NANOS3: variants seen among roughly 807,000 people sequenced by gnomAD.
NANOS3 encodes the protein nanos C2HC-type zinc finger 3.
Under a neutral mutation model 13.8 loss-of-function variants are expected in NANOS3, and 11 were observed. That is an observed-to-expected ratio of 0.80 (90% CI 0.50 to 1.32). NANOS3 has a LOEUF of 1.32. NANOS3 is among the 40% of genes most tolerant of loss of function. The pLI is 0.00. For missense variants in NANOS3, 221 were observed against 263.8 expected (o/e 0.84, Z 1.12); for synonymous variants, 119 against 115.4 (o/e 1.03, Z -0.20).
At chr19:13,873,887 T>A (rs1156667075), upstream of NANOS3, among the ~76,000 whole-genome samples, 1 of 131,542 alleles carries the variant, frequency 7.6e-6, no homozygotes, top group Non-Finnish European at 1.6e-5. Flanking sequence ...GGTGCGTACC[T>A]GTAGGCCTGG....
chr19:13,878,791 T>C (rs914189444), intron 1 of NANOS3, among the ~76,000 whole-genome samples: 18 of 151,180 alleles, frequency 1.2e-4, no homozygotes, highest in African/African-American at 4.4e-4. Context: ...GTTTTTTTTT[T>C]CCTCCCATAG....
upstream of NANOS3, among the ~76,000 whole-genome samples, chr19:13,873,966 T>C (rs1342070168): frequency 6.6e-6 from 1 of 151,984 alleles, no homozygotes; most frequent in Non-Finnish European, 1.5e-5. Context: ...TGGGGGTCAT[T>C]TGAGGGATGA....
chr19:13,871,021 G>A (rs539318567), intron 1 of NANOS3, among the ~76,000 whole-genome samples: 5 of 152,008 alleles, frequency 3.3e-5, no homozygotes, highest in African/African-American at 1.2e-4. Context: ...TGAAGGCCCT[G>A]AAAGACACCC....
chr19:13,877,131 C>T, upstream of NANOS3: 10 of 885,966 alleles, frequency 1.1e-5, no homozygotes, highest in Admixed American at 6.6e-5. Context: ...AGCACAGACT[C>T]CCAGGCTCCA....
chr19:13,876,398 G>T (rs778061648), upstream of NANOS3, among the ~76,000 whole-genome samples: 10 of 152,126 alleles, frequency 6.6e-5, no homozygotes, highest in African/African-American at 9.7e-5. Flanking sequence ...GACCTCAGGT[G>T]ATCCGCCTGT....
At chr19:13,868,765 T>C (rs1358670211) in intron 1 of NANOS3, among the ~76,000 whole-genome samples, 2 of 151,526 alleles carry the variant, frequency 1.3e-5, no homozygotes, top group Admixed American at 1.3e-4. Flanking sequence ...ACACCATGAC[T>C]GGATGATACA....
chr19:13,873,573 T>C (rs1968439419), upstream of NANOS3, among the ~76,000 whole-genome samples: 2 of 151,780 alleles, frequency 1.3e-5, no homozygotes, highest in Admixed American at 1.3e-4. Flanking sequence ...ACTCTTGGGG[T>C]CCAAGCGATC....
chr19:13,871,826 CT>C (rs945010205), intron 1 of NANOS3, among the ~76,000 whole-genome samples: 3 of 150,854 alleles, frequency 2.0e-5, no homozygotes, highest in Non-Finnish European at 3.0e-5. Flanking sequence ...CTCTACAAAA[CT>C]TTTTTTTATT....
Position 13,877,414 on chromosome 19 carries a change from C to T in NANOS3, c.166C>T (p.Pro56Ser), listed in dbSNP as rs771017774. 7 of 1,612,240 alleles carry T rather than the reference C, an allele frequency of 4.3e-6. No individual in the cohort carries two copies. The South Asian group carries it at 6.6e-5, about 15-fold the overall frequency. The change falls in exon 1 of 2, where the codon CCA becomes TCA. Residue 56 changes from proline to serine, a missense_variant. Physicochemically the swap from Pro to Ser is moderately conservative, Grantham distance 74 (BLOSUM62 -1). Around this residue, in one of 3 missense-constraint regions of NANOS3, gnomAD observed 112 missense variants for 116.3 expected, o/e 0.96. Transcript: ENST00000339133. ...GCCGATGCCAGCGCCGGAGTCGGTG[C>T]CAGTGCCGGGACCCAAGGATCAGAA... ...LEPMPAPESV[P>S]VPGPKDQKRS...
chr19:13,870,532 G>T (rs1249061023), intron 1 of NANOS3, among the ~76,000 whole-genome samples: 1 of 150,990 alleles, frequency 6.6e-6, no homozygotes, highest in Non-Finnish European at 1.5e-5. Context: ...GTGTGGGGGG[G>T]TGGGGGCAAG....
chr19:13,862,766 T>C (rs371671206), upstream of NANOS3, among the ~76,000 whole-genome samples: 3 of 152,180 alleles, frequency 2.0e-5, no homozygotes, highest in East Asian at 3.9e-4. Flanking sequence ...CTCGAACTCC[T>C]GACCTCGTGA....
chr19:13,878,854 T>C (rs551071317), intron 1 of NANOS3, among the ~76,000 whole-genome samples: 1 of 152,240 alleles, frequency 6.6e-6, no homozygotes, highest in East Asian at 1.9e-4. Context: ...GCTTAGGTGA[T>C]CCTCCTGCCT....
upstream of NANOS3, among the ~76,000 whole-genome samples, chr19:13,873,416 G>C (rs191028331): frequency 6.6e-6 from 1 of 152,072 alleles, no homozygotes; most frequent in African/African-American, 2.4e-5. Flanking sequence ...GTTATGCCAG[G>C]CGGTTATTTT....
At chr19:13,866,272 G>C (rs1033734471) in intron 1 of NANOS3, among the ~76,000 whole-genome samples, 8 of 151,920 alleles carry the variant, frequency 5.3e-5, no homozygotes, top group Admixed American at 1.3e-4. Flanking sequence ...GGCTGGGGGT[G>C]GGGGGGTGGA....
chr19:13,862,466 G>T (rs762363029), upstream of NANOS3, among the ~76,000 whole-genome samples: 5 of 152,182 alleles, frequency 3.3e-5, no homozygotes, highest in Non-Finnish European at 5.9e-5. Context: ...GAGCAGGACA[G>T]CTGGCCGGTC....
upstream of NANOS3, among the ~76,000 whole-genome samples, chr19:13,876,132 T>C (rs115159874): frequency 8.7e-3 from 1,318 of 152,180 alleles, 16 homozygotes; most frequent in African/African-American, 0.03. Context: ...GAGGCAGATG[T>C]GGTGCTTTTT....
chr19:13,877,365 G>GCTGGAGCCGGTGTCAGCC lies in NANOS3; in HGVS notation c.127_144dup (p.Val43_Pro48dup), dbSNP rs765977912. 1 of 1,612,558 alleles carries GCTGGAGCCGGTGTCAGCC rather than the reference G, an allele frequency of 6.2e-7. No homozygotes were observed. Among genetic ancestry groups the GCTGGAGCCGGTGTCAGCC allele is most frequent in the South Asian group, 1.1e-5 (1 of 91,084 alleles). On this transcript the variant is annotated inframe_insertion, in exon 1 of 2. Coordinates refer to ENST00000339133, the MANE Select transcript of NANOS3 (RefSeq NM_001098622.3). Reference sequence around the variant, plus strand: ...GCCCCCAGCCAGAGCCAGAGCCAATGCTGGAGCCGGTGTCAGCCCTGGAGC... The same window carrying GCTGGAGCCGGTGTCAGCC: ...GCCCCCAGCCAGAGCCAGAGCCAATGCTGGAGCCGGTGTCAGCCCTGGAGCCGGTGTCAGCCCTGGAGC...
upstream of NANOS3, among the ~76,000 whole-genome samples, chr19:13,863,850 G>T (rs35262626): frequency 0.1 from 15,473 of 151,920 alleles, 860 homozygotes; most frequent in Non-Finnish European, 0.12. Context: ...ATGTGGGAGG[G>T]TGAACCTGTC....
chr19:13,879,800 G>A (rs1421713298), intron 1 of NANOS3, among the ~76,000 whole-genome samples: 1 of 151,880 alleles, frequency 6.6e-6, no homozygotes, highest in African/African-American at 2.4e-5. Flanking sequence ...TGAGGCAGGT[G>A]GATCACCTGA....
Sources: allele counts gnomAD v4.1 joint callset (sites outside exome capture counted in the v4.1 genomes callset), GRCh38; gene constraint gnomAD v4.1.1; regional missense constraint gnomAD v4.1.1; transcripts MANE v1.5; gene names NCBI Gene and HGNC (gene_info 2026-07-23, HGNC 2026-07-21).